Variants in NRG1 observed in about 807,000 individuals in gnomAD.
NRG1 encodes neuregulin 1, also known as pro-neuregulin-1, membrane-bound isoform.
NRG1 carries 18 observed loss-of-function variants against 63.8 expected under a neutral mutation model. That is an observed-to-expected ratio of 0.28 (90% CI 0.19 to 0.42). The LOEUF is 0.42. NRG1 is among the 10% of genes least tolerant of loss of function. The probability of loss-of-function intolerance (pLI) is 1.00; values close to 1 mark genes in which losing one functional copy is unlikely to be tolerated. For missense variants in NRG1, 762 were observed against 814.7 expected (o/e 0.94, Z 0.79); for synonymous variants, 302 against 301.3 (o/e 1.00, Z -0.02).
intron 1 of NRG1, among the ~76,000 whole-genome samples, chr8:32,227,800 C>T (rs549219586): frequency 1.6e-4 from 24 of 152,308 alleles, no homozygotes; most frequent in African/African-American, 5.5e-4. Context: ...CTAACCACCA[C>T]AGCATTCCTG....
chr8:32,153,216 G>A (rs377474460), intron 1 of NRG1, among the ~76,000 whole-genome samples: 6 of 152,218 alleles, frequency 3.9e-5, no homozygotes, highest in African/African-American at 1.2e-4. Flanking sequence ...TACAGTACAG[G>A]GGCGAGCTTC....
chr8:32,743,115 C>T, intron 7 of NRG1: 1 of 1,005,744 alleles, frequency 9.9e-7, no homozygotes, highest in Non-Finnish European at 1.2e-6. Flanking sequence ...ATACAATGAC[C>T]ACATCCTGAA....
At chr8:31,861,702 C>T (rs1431069426) in intron 1 of NRG1, among the ~76,000 whole-genome samples, 6 of 152,190 alleles carry the variant, frequency 3.9e-5, no homozygotes, top group African/African-American at 1.4e-4. Flanking sequence ...ACCCTAGGGC[C>T]TCTTTCCTTC....
At chr8:31,955,736 A>T (rs760463052) in intron 1 of NRG1, among the ~76,000 whole-genome samples, 69 of 152,066 alleles carry the variant, frequency 4.5e-4, no homozygotes, top group Middle Eastern at 3.4e-3. Context: ...GATTTTTTTT[A>T]AATTTAAAAG....
rs538115313 is a variant in NRG1 at position 31,852,932 on chromosome 8, G to A, written c.37+213501G>A. Among the ~76,000 whole-genome samples the A allele has an allele frequency of 9.0e-3, 1,366 of 151,998 alleles. 19 individuals are homozygous for A. Among genetic ancestry groups the A allele is most frequent in the African/African-American group, 0.031 (1,288 of 41,448 alleles). On this transcript the variant is annotated intron_variant, in intron 1 of 10. Coordinates refer to the NRG1 transcript ENST00000519301. Reference sequence around the variant, plus strand: ...GATCAGATAGTTGTAGATATGTGGCGTTATTTCTGAGGGCTCTGTTCTGTT... The same window carrying A: ...GATCAGATAGTTGTAGATATGTGGCATTATTTCTGAGGGCTCTGTTCTGTT...
intron 5 of NRG1, among the ~76,000 whole-genome samples, chr8:32,692,193 T>A (rs143247175): frequency 8.7e-4 from 133 of 152,342 alleles, no homozygotes; most frequent in South Asian, 2.9e-3. Context: ...ACCTATTACA[T>A]ACATTCACCA....
intron 1 of NRG1, among the ~76,000 whole-genome samples, chr8:32,027,437 C>A (rs1236274490): frequency 1.6e-5 from 2 of 123,540 alleles, no homozygotes; most frequent in Non-Finnish European, 3.4e-5. Flanking sequence ...TCCTTCCTTC[C>A]TTCCTTCCTT....
chr8:32,730,923 A>G (rs1823498893), intron 6 of NRG1, among the ~76,000 whole-genome samples: 2 of 152,284 alleles, frequency 1.3e-5, no homozygotes, highest in African/African-American at 2.4e-5. Flanking sequence ...TCTCCTTTTT[A>G]AACAGTGTAC....
intron 1 of NRG1, among the ~76,000 whole-genome samples, chr8:32,007,331 G>A (rs1813940514): frequency 6.6e-6 from 1 of 151,926 alleles, no homozygotes; most frequent in Admixed American, 6.6e-5. Flanking sequence ...AATTGATCAG[G>A]CAAATAATCT....
At chr8:32,362,093 T>A (rs1008829365) in intron 1 of NRG1, among the ~76,000 whole-genome samples, 6 of 152,190 alleles carry the variant, frequency 3.9e-5, no homozygotes, top group Non-Finnish European at 5.9e-5. Context: ...TTAGATGGAA[T>A]CATATTAAGT....
At chr8:31,822,497 T>C (rs748892378) in intron 1 of NRG1, among the ~76,000 whole-genome samples, 75 of 152,118 alleles carry the variant, frequency 4.9e-4, no homozygotes, top group Non-Finnish European at 1.1e-3. Flanking sequence ...CTGATGCCTA[T>C]AGGTTGAGGA....
intron 1 of NRG1, among the ~76,000 whole-genome samples, chr8:31,798,227 C>T (rs567783130): frequency 4.6e-5 from 7 of 152,158 alleles, no homozygotes; most frequent in African/African-American, 1.7e-4. Context: ...ATTCGCAACA[C>T]AGAGAAATGA....
intron 1 of NRG1, among the ~76,000 whole-genome samples, chr8:31,988,214 C>T (rs982689610): frequency 1.3e-5 from 2 of 152,028 alleles, no homozygotes; most frequent in Non-Finnish European, 2.9e-5. Flanking sequence ...TAATGCTTTG[C>T]GTACAGGGTG....
chr8:31,753,523 CAGT>C (rs2131470461), intron 1 of NRG1, among the ~76,000 whole-genome samples: 1 of 152,118 alleles, frequency 6.6e-6, no homozygotes, highest in East Asian at 1.9e-4. Context: ...AAAAAGTAAA[CAGT>C]AGTCAATTAA....
intron 1 of NRG1, among the ~76,000 whole-genome samples, chr8:32,202,417 G>A (rs954128923): frequency 8.5e-5 from 13 of 152,084 alleles, no homozygotes; most frequent in African/African-American, 3.1e-4. Context: ...GAGTGCTTTT[G>A]GGCTCCAGCC....
intron 1 of NRG1, among the ~76,000 whole-genome samples, chr8:31,945,449 A>T (rs536441129): frequency 1.3e-5 from 2 of 152,066 alleles, no homozygotes; most frequent in South Asian, 4.2e-4. Flanking sequence ...TTTGTTCCAG[A>T]TTTTCTGGTA....
chr8:32,502,185 C>T (rs28570331), intron 1 of NRG1, among the ~76,000 whole-genome samples: 42,034 of 151,558 alleles, frequency 0.28, 6,206 homozygotes, highest in South Asian at 0.35. Context: ...CCAATCATGG[C>T]AGAAGGTGAA....
chr8:31,729,316 G>A (rs895346017), intron 1 of NRG1, among the ~76,000 whole-genome samples: 1 of 151,890 alleles, frequency 6.6e-6, no homozygotes, highest in Admixed American at 6.6e-5. Flanking sequence ...TTCTACCTTG[G>A]CAAGTAACAT....
At chr8:32,419,185 G>A (rs902763386) in intron 1 of NRG1, among the ~76,000 whole-genome samples, 34 of 152,266 alleles carry the variant, frequency 2.2e-4, no homozygotes, top group African/African-American at 8.2e-4. Context: ...ATTAAGCATT[G>A]GCCTTGGATA....
Sources: gnomAD v4.1 joint callset for allele counts (sites outside exome capture counted in the v4.1 genomes callset) on GRCh38, gnomAD v4.1.1 for gene constraint, MANE v1.5 for transcripts, NCBI Gene and HGNC (gene_info 2026-07-23, HGNC 2026-07-21) for gene names.